CARMIL1: variants seen among roughly 807,000 people sequenced by gnomAD.
CARMIL1 encodes capping protein regulator and myosin 1 linker 1.
CARMIL1 carries 90 observed loss-of-function variants against 177.1 expected under a neutral mutation model. The ratio of observed to expected loss-of-function variants is 0.51; its 90% CI spans 0.43 to 0.61. The LOEUF is 0.61. CARMIL1 is among the 20% of genes least tolerant of loss of function. The probability of loss-of-function intolerance (pLI) is 0.00; values close to 1 mark genes in which losing one functional copy is unlikely to be tolerated. For missense variants in CARMIL1, 1,380 were observed against 1,667.0 expected, an observed-to-expected ratio of 0.83 and a Z score of 3.00; for synonymous variants, 577 against 606.2, an observed-to-expected ratio of 0.95 and a Z score of 0.71.
At chr6:25,508,414 T>C (rs1055544077) in intron 17 of CARMIL1, among the ~76,000 whole-genome samples, 15 of 152,084 alleles carry the variant, frequency 9.9e-5, no homozygotes, top group African/African-American at 3.4e-4. Flanking sequence ...AAAGTAGAAA[T>C]GGTGAGATGC....
chr6:25,590,084 A>ATC (rs1430396469), intron 31 of CARMIL1, among the ~76,000 whole-genome samples: 1 of 152,242 alleles, frequency 6.6e-6, no homozygotes, highest in Non-Finnish European at 1.5e-5. Flanking sequence ...AGTTGGTCAC[A>ATC]TCAATACTCC....
chr6:25,381,614 C>A (rs1222342847), intron 2 of CARMIL1, among the ~76,000 whole-genome samples: 1 of 152,172 alleles, frequency 6.6e-6, no homozygotes, highest in East Asian at 1.9e-4. Context: ...CTTCCTATTA[C>A]TGGTTTGTTA....
chr6:25,371,150 A>G (rs1432057175), intron 2 of CARMIL1, among the ~76,000 whole-genome samples: 1 of 152,154 alleles, frequency 6.6e-6, no homozygotes, highest in Non-Finnish European at 1.5e-5. Flanking sequence ...CATTTTCTTT[A>G]TCCATTCATC....
intron 2 of CARMIL1, among the ~76,000 whole-genome samples, chr6:25,419,165 T>C (rs967760585): frequency 6.6e-6 from 1 of 152,236 alleles, no homozygotes; most frequent in Non-Finnish European, 1.5e-5. Context: ...CCAGTGTTCT[T>C]AACTTTCTAC....
intron 29 of CARMIL1, 53 bp downstream of exon 29, chr6:25,556,903 TG>T (rs375099911): frequency 4.8e-5 from 70 of 1,468,802 alleles, no homozygotes; most frequent in South Asian, 8.8e-5. Context: ...ACTGTGCCAT[TG>T]TTTTTTTTTT....
rs552141573 is a variant in CARMIL1, at chr6:25,377,187, C to T, written c.139-42927C>T. ...CCCATGGGGGAAGCCTCAGCTATGTCGATAGTGGATGAAGAGGAGAAGAAA... is the reference window on the plus strand; with the variant it reads ...CCCATGGGGGAAGCCTCAGCTATGTTGATAGTGGATGAAGAGGAGAAGAAA... On this transcript the variant is annotated intron_variant, in intron 2 of 36. Coordinates refer to ENST00000329474, the MANE Select transcript of CARMIL1 (RefSeq NM_017640.6). Among the ~76,000 whole-genome samples the T allele has an allele frequency of 2.6e-4, 40 of 152,236 alleles. 1 individual carries two copies. In the South Asian group the frequency reaches 7.1e-3, roughly 27 times the overall value.
At chr6:25,567,115 T>C (rs1811625696) in intron 29 of CARMIL1, among the ~76,000 whole-genome samples, 1 of 152,232 alleles carries the variant, frequency 6.6e-6, no homozygotes, top group African/African-American at 2.4e-5. Context: ...AAGGAGTAGC[T>C]GCAGCTGAAA....
At chr6:25,350,404 G>A (rs1375650897) in intron 2 of CARMIL1, among the ~76,000 whole-genome samples, 2 of 152,124 alleles carry the variant, frequency 1.3e-5, no homozygotes, top group Non-Finnish European at 2.9e-5. Flanking sequence ...GACTTATTTT[G>A]ATAAATCAGA....
At chr6:25,564,838 C>T (rs551387363) in intron 29 of CARMIL1, among the ~76,000 whole-genome samples, 10 of 151,610 alleles carry the variant, frequency 6.6e-5, no homozygotes, top group African/African-American at 1.7e-4. Flanking sequence ...GGTGGTTATA[C>T]ATTAGTAAAG....
At chr6:25,319,136 C>A (rs1224563293) in intron 2 of CARMIL1, among the ~76,000 whole-genome samples, 1 of 152,134 alleles carries the variant, frequency 6.6e-6, no homozygotes, top group Non-Finnish European at 1.5e-5. Flanking sequence ...GGATCCTACT[C>A]AAGCCTATAG....
At chr6:25,417,316 T>G (rs143375911) in intron 2 of CARMIL1, among the ~76,000 whole-genome samples, 81 of 152,284 alleles carry the variant, frequency 5.3e-4, no homozygotes, top group Middle Eastern at 3.4e-3. Flanking sequence ...CTGTCATGCT[T>G]CTTTTGATTA....
intron 17 of CARMIL1, among the ~76,000 whole-genome samples, chr6:25,502,461 A>G (rs1562223344): frequency 6.6e-6 from 1 of 151,516 alleles, no homozygotes; most frequent in African/African-American, 2.4e-5. Flanking sequence ...AGGCTGAGGC[A>G]GAGAATTGCT....
At chr6:25,501,525 G>A (rs1003888888) in intron 17 of CARMIL1, among the ~76,000 whole-genome samples, 10 of 152,150 alleles carry the variant, frequency 6.6e-5, no homozygotes, top group Non-Finnish European at 4.4e-5. Flanking sequence ...TATCTGGTAC[G>A]CAGAAAAGTT....
chr6:25,417,021 C>T (rs1300603577), intron 2 of CARMIL1, among the ~76,000 whole-genome samples: 4 of 152,080 alleles, frequency 2.6e-5, no homozygotes, highest in South Asian at 2.1e-4. Flanking sequence ...GACTGGCTTC[C>T]TATAGCCATG....
chr6:25,441,132 T>C (rs188732313), intron 5 of CARMIL1, among the ~76,000 whole-genome samples: 1 of 152,046 alleles, frequency 6.6e-6, no homozygotes. Flanking sequence ...GGCAACATAG[T>C]GAGACCTCAT....
chr6:25,612,810 A>T, intron 36 of CARMIL1: 3 of 985,360 alleles, frequency 3.0e-6, no homozygotes, highest in Non-Finnish European at 3.6e-6. Flanking sequence ...GAGGGAAAAG[A>T]TCTTCAAAAC....
At chr6:25,348,274 A>G (rs934305260) in intron 2 of CARMIL1, among the ~76,000 whole-genome samples, 15 of 151,902 alleles carry the variant, frequency 9.9e-5, no homozygotes, top group African/African-American at 3.4e-4. Context: ...CTGGGATTAC[A>G]GGCATGCGCC....
chr6:25,434,592 C>T (rs1473794616), intron 4 of CARMIL1, among the ~76,000 whole-genome samples: 7 of 145,782 alleles, frequency 4.8e-5, no homozygotes, highest in African/African-American at 1.3e-4. Flanking sequence ...GGCACGATCT[C>T]GGCTCCCTGC....
intron 35 of CARMIL1, among the ~76,000 whole-genome samples, chr6:25,607,991 A>AG: frequency 6.6e-6 from 1 of 152,228 alleles, no homozygotes; most frequent in Non-Finnish European, 1.5e-5. Context: ...CAATGTTTTC[A>AG]TGTAGAAGGA....
Sources: gnomAD v4.1 joint callset for allele counts (sites outside exome capture counted in the v4.1 genomes callset) on GRCh38, gnomAD v4.1.1 for gene constraint, MANE v1.5 for transcripts, NCBI Gene and HGNC (gene_info 2026-07-23, HGNC 2026-07-21) for gene names.